The following TSPAN14 variants were observed in gnomAD, a reference collection of about 807,000 sequenced individuals.
TSPAN14 encodes tetraspanin-14.
TSPAN14 carries 16 observed loss-of-function variants against 36.6 expected under a neutral mutation model. That is an observed-to-expected ratio of 0.44 (90% CI 0.30 to 0.66). TSPAN14 has a LOEUF of 0.66. TSPAN14 is among the 30% of genes least tolerant of loss of function. The pLI is 0.12. For synonymous variants in TSPAN14, 139 were observed against 143.8 expected, an observed-to-expected ratio of 0.97 and a Z score of 0.24; for missense variants, 231 against 355.1, an observed-to-expected ratio of 0.65 and a Z score of 2.81.
chr10:80,458,485 A>G (rs1407885796), intron 1 of TSPAN14, among the ~76,000 whole-genome samples: 1 of 151,898 alleles, frequency 6.6e-6, no homozygotes, highest in Non-Finnish European at 1.5e-5. Context: ...CTTCTGCTTC[A>G]TGGTTAACTC....
intron 2 of TSPAN14, among the ~76,000 whole-genome samples, chr10:80,492,842 A>G (rs942769657): frequency 1.3e-5 from 2 of 152,148 alleles, no homozygotes; most frequent in Non-Finnish European, 2.9e-5. Flanking sequence ...TATTTTCACA[A>G]TAGCATTCTT....
chr10:80,475,385 G>A (rs1175279308), intron 1 of TSPAN14, among the ~76,000 whole-genome samples: 1 of 152,198 alleles, frequency 6.6e-6, no homozygotes, highest in Non-Finnish European at 1.5e-5. Context: ...GGGCAACATA[G>A]TGAAACCCTA....
chr10:80,517,781 C>T, intron 8 of TSPAN14, 124 bp from the exon 9 acceptor site: 1 of 925,764 alleles, frequency 1.1e-6, no homozygotes, highest in South Asian at 1.5e-5. Context: ...GTCTCTACGT[C>T]TTCAGTCGCA....
chr10:80,482,673 TG>T (rs1847348608), intron 1 of TSPAN14, among the ~76,000 whole-genome samples: 1 of 151,188 alleles, frequency 6.6e-6, no homozygotes, highest in African/African-American at 2.5e-5. Context: ...CTATGGGTTG[TG>T]ATAAGATTTG....
intron 5 of TSPAN14, among the ~76,000 whole-genome samples, chr10:80,511,714 CTCTCTCT>C (rs1840639767): frequency 1.3e-4 from 1 of 7,448 alleles, no homozygotes; most frequent in African/African-American, 1.3e-3. Flanking sequence ...GGCAGGTCCT[CTCTCTCT>C]CTCTCTCTCT....
At chr10:80,496,077 T>C (rs1337562851) in intron 2 of TSPAN14, among the ~76,000 whole-genome samples, 1 of 152,228 alleles carries the variant, frequency 6.6e-6, no homozygotes, top group Non-Finnish European at 1.5e-5. Flanking sequence ...TGAAATAATT[T>C]CTTATTTTTT....
chr10:80,510,196 G>A (rs1840539526), intron 5 of TSPAN14, among the ~76,000 whole-genome samples: 1 of 152,230 alleles, frequency 6.6e-6, no homozygotes, highest in Non-Finnish European at 1.5e-5. Flanking sequence ...CTGACAGAAA[G>A]CCCAGCTTCC....
intron 2 of TSPAN14, among the ~76,000 whole-genome samples, chr10:80,490,409 C>T (rs377000404): frequency 3.3e-5 from 5 of 151,926 alleles, no homozygotes; most frequent in Admixed American, 2.0e-4. Flanking sequence ...GAGGTTGGGT[C>T]GAGGAAGAAA....
At chr10:80,483,176 G>T (rs2131999081) in intron 1 of TSPAN14, among the ~76,000 whole-genome samples, 1 of 152,306 alleles carries the variant, frequency 6.6e-6, no homozygotes, top group Admixed American at 6.5e-5. Flanking sequence ...TGTTTATGAT[G>T]ACTGCCAGCC....
At chr10:80,510,220 A>G (rs561916437) in intron 5 of TSPAN14, among the ~76,000 whole-genome samples, 2 of 152,390 alleles carry the variant, frequency 1.3e-5, no homozygotes, top group African/African-American at 4.8e-5. Flanking sequence ...AGAACTTTTC[A>G]TGTGGAACAC....
At chr10:80,513,100 G>A (rs1013311581) in intron 6 of TSPAN14, among the ~76,000 whole-genome samples, 1 of 152,156 alleles carries the variant, frequency 6.6e-6, no homozygotes, top group Non-Finnish European at 1.5e-5. Flanking sequence ...GTTTCACCAT[G>A]TTGCCCCGGC....
In TSPAN14 at chr10:80,516,314, G is replaced by A. The variant is rs201130696; in HGVS notation, c.732G>A (p.Ser244=). ...TGGCTGGCGTCTTCATCGCCATCTC[G>A]CTGTTGCAGGTGTGTCCCAGGAGCC... The change falls in exon 8 of 9, where the codon TCG becomes TCA. Residue 244 remains serine (S), a synonymous_variant. Transcript: ENST00000429989. The A allele has an allele frequency of 6.8e-6, 11 of 1,614,240 alleles. No homozygotes were observed. The Admixed American group carries it at 8.3e-5, about 12-fold the overall frequency.
chr10:80,456,615 A>G (rs2131944738), intron 1 of TSPAN14, among the ~76,000 whole-genome samples: 1 of 152,394 alleles, frequency 6.6e-6, no homozygotes, highest in South Asian at 2.1e-4. Flanking sequence ...TCCTTTTAGC[A>G]GTGCCTGCAA....
chr10:80,494,009 G>A (rs1848058316), intron 2 of TSPAN14, among the ~76,000 whole-genome samples: 1 of 152,236 alleles, frequency 6.6e-6, no homozygotes, highest in Non-Finnish European at 1.5e-5. Flanking sequence ...TGCATGCAGA[G>A]GTTGGATGAA....
At chr10:80,456,046 C>T (rs75503642) in intron 1 of TSPAN14, among the ~76,000 whole-genome samples, 3,456 of 152,294 alleles carry the variant, frequency 0.023, 51 homozygotes, top group Middle Eastern at 0.041. Context: ...CACCTAATGT[C>T]ATCCTCAGTT....
intron 3 of TSPAN14, 141 bp from the exon 4 acceptor site, chr10:80,507,087 C>T (rs904929678): frequency 2.1e-5 from 24 of 1,127,924 alleles, no homozygotes; most frequent in Non-Finnish European, 2.7e-5. Context: ...TGGATGGGGC[C>T]GGACTCTGGC....
At chr10:80,478,318 A>G (rs1301211487) in intron 1 of TSPAN14, among the ~76,000 whole-genome samples, 1 of 152,100 alleles carries the variant, frequency 6.6e-6, no homozygotes, top group Non-Finnish European at 1.5e-5. Context: ...TAGAGCAAAC[A>G]GATGAGGAGA....
At chr10:80,479,921 A>G (rs902558277) in intron 1 of TSPAN14, among the ~76,000 whole-genome samples, 1 of 147,954 alleles carries the variant, frequency 6.8e-6, no homozygotes, top group South Asian at 2.2e-4. Flanking sequence ...CTTCCTACCC[A>G]TGAGCATGGA....
Position 80,507,900 on chromosome 10 carries a change from A to G in TSPAN14, c.279+526A>G, listed in dbSNP as rs556976702. On this transcript the variant is annotated intron_variant, in intron 4 of 8. Coordinates refer to ENST00000429989, the Ensembl canonical transcript of TSPAN14. ...AAATAACACCTGGTGGGGAAAACAC[A>G]TTATCATATTTTGCAGTATATTGTT... Among the ~76,000 whole-genome samples, 319 of 152,208 alleles carry G rather than the reference A, an allele frequency of 2.1e-3. 1 individual carries two copies. The highest frequency in any genetic ancestry group is 3.6e-3 in the Non-Finnish European group (244 of 68,012).
Sources: allele counts gnomAD v4.1 joint callset (sites outside exome capture counted in the v4.1 genomes callset), GRCh38; gene constraint gnomAD v4.1.1; transcripts MANE v1.5; gene names NCBI Gene and HGNC (gene_info 2026-07-23, HGNC 2026-07-21).